Variants in ARNT2 observed in about 807,000 individuals in gnomAD.
ARNT2 encodes aryl hydrocarbon receptor nuclear translocator 2.
Under a neutral mutation model 91.7 loss-of-function variants are expected in ARNT2, and 36 were observed. The ratio of observed to expected loss-of-function variants is 0.39; its 90% CI spans 0.30 to 0.52. The LOEUF (loss-of-function observed/expected upper bound fraction) is 0.52, where lower values mean the gene tolerates loss of function less well. Among genes scored for constraint, ARNT2 ranks in the 20% least tolerant of loss-of-function variants. The probability of loss-of-function intolerance (pLI) is 0.72; values close to 1 mark genes in which losing one functional copy is unlikely to be tolerated. For synonymous variants in ARNT2, 365 were observed against 347.1 expected (o/e 1.05, Z -0.57); for missense variants, 775 against 939.3 (o/e 0.83, Z 2.29).
chr15:80,580,331 A>G (rs2141480329), intron 15 of ARNT2, 80 bp from the exon 16 acceptor site: 1 of 1,546,220 alleles, frequency 6.5e-7, no homozygotes, highest in Non-Finnish European at 8.9e-7. Flanking sequence ...GGCCCAGGGC[A>G]GATTGTGTGG....
At position 80,499,894 on chromosome 15, in the gene ARNT2, T is replaced by C. The variant is rs565582111; in HGVS notation, c.623-8262T>C. 7.2e-5 allele frequency among the ~76,000 whole-genome samples: 11 copies of C among 152,296 alleles called. No individual in the cohort carries two copies. In the South Asian group the frequency reaches 2.3e-3, roughly 32 times the overall value. On this transcript the variant is annotated intron_variant, in intron 5 of 18. Coordinates refer to ENST00000303329, the MANE Select transcript of ARNT2 (RefSeq NM_014862.4). ...GAAAGCATTGTGGTAGAGGAGGTAA[T>C]GGGTAAATAGAGTAAGAGATGTCTT...
Position 80,495,148 on chromosome 15 carries a change from C to G in ARNT2, c.623-13008C>G, listed in dbSNP as rs113609297. Among the ~76,000 whole-genome samples the G allele has an allele frequency of 6.2e-3, 950 of 152,280 alleles. 10 individuals are homozygous for G. The highest frequency in any genetic ancestry group is 0.022 in the African/African-American group (921 of 41,544). On this transcript the variant is annotated intron_variant, in intron 5 of 18. Transcript: ENST00000303329. ...ACTGATTCTAATCTGAGTTCTAACC[C>G]AAACCCCAGCCGCCATCTTCCTTGC...
At chr15:80,563,956 T>C (rs1273516443) in intron 12 of ARNT2, among the ~76,000 whole-genome samples, 13 of 152,220 alleles carry the variant, frequency 8.5e-5, no homozygotes, top group Non-Finnish European at 1.2e-4. Context: ...ACAGTGAGCA[T>C]GACCTTGAAC....
chr15:80,567,375 C>T (rs886903752), intron 12 of ARNT2, among the ~76,000 whole-genome samples: 2 of 152,128 alleles, frequency 1.3e-5, no homozygotes, highest in African/African-American at 4.8e-5. Context: ...TTGTCCCAGG[C>T]TCATACCTCC....
At chr15:80,488,849 A>G (rs972503019) in intron 5 of ARNT2, 8 of 152,248 alleles carry the variant, frequency 5.3e-5, no homozygotes, top group African/African-American at 1.9e-4. Flanking sequence ...AAAAATGTGC[A>G]GCACTTAGCA....
At chr15:80,549,142 A>G (rs947729319) in intron 8 of ARNT2, among the ~76,000 whole-genome samples, 2 of 152,190 alleles carry the variant, frequency 1.3e-5, no homozygotes, top group East Asian at 1.9e-4. Flanking sequence ...CTGCAATTTA[A>G]GAAAATGTTG....
At chr15:80,569,008 C>T (rs1898536227) in intron 12 of ARNT2, among the ~76,000 whole-genome samples, 2 of 152,348 alleles carry the variant, frequency 1.3e-5, no homozygotes, top group South Asian at 4.1e-4. Flanking sequence ...GAATCAATTC[C>T]AAACCCTGTA....
chr15:80,416,932 C>G (rs933913327), intron 1 of ARNT2, among the ~76,000 whole-genome samples: 3 of 152,128 alleles, frequency 2.0e-5, no homozygotes, highest in Admixed American at 1.3e-4. Flanking sequence ...TGGCAGACCT[C>G]ATCTTTGGGT....
intron 5 of ARNT2, among the ~76,000 whole-genome samples, chr15:80,498,309 G>A (rs568906882): frequency 6.6e-6 from 1 of 152,284 alleles, no homozygotes; most frequent in Admixed American, 6.5e-5. Context: ...GAGCTTAAGT[G>A]ACTGGCAGAA....
In ARNT2 at chr15:80,470,382, G is replaced by C; in HGVS notation, c.359G>C (p.Gly120Ala). The change falls in exon 4 of 19, where the codon GGG becomes GCG. Residue 120 changes from glycine (G) to alanine (A), a missense_variant. This residue lies in a region of ARNT2 where 83 missense variants were observed against 149.4 expected (regional missense o/e 0.56). Transcript: ENST00000303329. ...CACATGAAGTCCATGAGGGGTACAG[G>C]GAACAAGTCCACCGATGGCGCGTAC... ...VSHMKSMRGT[G>A]NKSTDGAYKP... 1 of 1,614,154 alleles carries C rather than the reference G, an allele frequency of 6.2e-7. No individual in the cohort carries two copies. The highest frequency in any genetic ancestry group is 1.1e-5 in the South Asian group (1 of 91,086).
intron 15 of ARNT2, 85 bp downstream of exon 15, chr15:80,577,050 C>T (rs1898689735): frequency 7.3e-7 from 1 of 1,370,240 alleles, no homozygotes; most frequent in South Asian, 1.2e-5. Context: ...GCTCTGTGGG[C>T]TGTAAGCATG....
intron 5 of ARNT2, 113 bp downstream of exon 5, chr15:80,475,336 C>T (rs1244486861): frequency 1.7e-5 from 18 of 1,079,052 alleles, no homozygotes; most frequent in Middle Eastern, 3.0e-4. Context: ...GGGTGGATCA[C>T]GAGGTCAGGA....
chr15:80,508,213 T>G lies in ARNT2; in HGVS notation c.680T>G (p.Met227Arg). The G allele has an allele frequency of 6.2e-7, 1 of 1,614,148 alleles. No homozygotes were observed. ...AAGAAAGAAGGGCAGCAGTCATCCA[T>G]GAGGATGTGCATGGGCTCGCGGCGG... is the stretch of plus-strand genomic sequence containing the variant. Reference protein sequence around the residue: ...TVKKEGQQSSMRMCMGSRRSF... With the variant: ...TVKKEGQQSSRRMCMGSRRSF... The change falls in exon 6 of 19, where the codon ATG (methionine) becomes AGG (arginine). Residue 227 changes from methionine to arginine, a missense_variant. Met to Arg is a moderately conservative substitution (Grantham distance 91). Coordinates refer to ENST00000303329, the MANE Select transcript of ARNT2 (RefSeq NM_014862.4).
intron 17 of ARNT2, among the ~76,000 whole-genome samples, chr15:80,587,510 G>A (rs1164624607): frequency 6.6e-6 from 1 of 152,124 alleles, no homozygotes; most frequent in Non-Finnish European, 1.5e-5. Flanking sequence ...AAGTCTTAGG[G>A]CAATTTCCAA....
intron 8 of ARNT2, among the ~76,000 whole-genome samples, chr15:80,540,434 T>C (rs1897887641): frequency 6.6e-6 from 1 of 152,232 alleles, no homozygotes; most frequent in South Asian, 2.1e-4. Flanking sequence ...TTCATGTGCT[T>C]ATTAGCCATT....
In ARNT2 at chr15:80,536,994, A is replaced by C. The variant is rs528042581; in HGVS notation, c.878-14205A>C. Among the ~76,000 whole-genome samples the C allele has an allele frequency of 9.9e-4, 151 of 152,206 alleles. 1 individual carries two copies. The highest frequency in any genetic ancestry group is 3.5e-3 in the African/African-American group (147 of 41,526). On this transcript the variant is annotated intron_variant, in intron 8 of 18. Coordinates refer to ENST00000303329, the MANE Select transcript of ARNT2 (RefSeq NM_014862.4). ...TGGCCTCAGGGTGATGTTCAGTGTG[A>C]CTGTGCCAGAGCCATCATTACATGA...
chr15:80,563,931 G>C (rs935511658), intron 12 of ARNT2, among the ~76,000 whole-genome samples: 1 of 152,192 alleles, frequency 6.6e-6, no homozygotes, highest in Non-Finnish European at 1.5e-5. Flanking sequence ...CCAGACACTT[G>C]GTTCAACTTC....
rs1439285255 is a variant in ARNT2 at position 80,508,200 on chromosome 15, C to T, written c.667C>T (p.Gln223Ter). Residue 223 changes from glutamine to a stop codon, truncating the protein, a stop_gained, in exon 6 of 19, where the codon CAG becomes TAG. Coordinates refer to ENST00000303329, the MANE Select transcript of ARNT2 (RefSeq NM_014862.4). LOFTEE classifies it high-confidence loss of function. ...GACTGGGACGGTCAAGAAAGAAGGG[C>T]AGCAGTCATCCATGAGGATGTGCAT... Reference protein sequence around the residue: ...LKTGTVKKEGQQSSMRMCMGS... With the variant: ...LKTGTVKKEG The T allele has an allele frequency of 6.2e-7, 1 of 1,614,146 alleles. No homozygotes were observed.
chr15:80,503,444 G>A (rs544264252), intron 5 of ARNT2, among the ~76,000 whole-genome samples: 4 of 152,314 alleles, frequency 2.6e-5, no homozygotes, highest in Admixed American at 6.5e-5. Context: ...AGAAATAAAC[G>A]TTGAAGCTGT....
Sources: gnomAD v4.1 joint callset for allele counts (sites outside exome capture counted in the v4.1 genomes callset) on GRCh38, gnomAD v4.1.1 for gene constraint, gnomAD v4.1.1 regional missense constraint, MANE v1.5 for transcripts, NCBI Gene and HGNC (gene_info 2026-07-23, HGNC 2026-07-21) for gene names.